Variants in PCNX1 observed in about 807,000 individuals in gnomAD.
PCNX1 encodes pecanex 1, also known as pecanex-like protein 1.
In PCNX1, 78 loss-of-function variants were observed where a neutral mutation model predicts 242.2. The observed-to-expected ratio is 0.32, with a 90% CI of 0.27 to 0.39. The LOEUF is 0.39. Ranked by LOEUF, PCNX1 falls within the 10% of genes least tolerant of loss-of-function variation. The probability of loss-of-function intolerance (pLI) is 1.00; values close to 1 mark genes in which losing one functional copy is unlikely to be tolerated. For missense variants in PCNX1, 2,581 were observed against 2,856.5 expected (o/e 0.90, Z 2.20); for synonymous variants, 1,024 against 1,032.9 (o/e 0.99, Z 0.17).
At position 70,978,534 on chromosome 14, in the gene PCNX1, G is replaced by C; in HGVS notation, c.2197G>C (p.Glu733Gln). ...LEAKEGEVLD[E>Q]LSLLGRASQL... ...GGCCAAAGAGGGAGAGGTGCTAGAT[G>C]AGCTATCTTTATTAGGACGGGCTTC... Residue 733 changes from glutamate (E) to glutamine (Q), a missense_variant, in exon 6 of 36, where the codon GAG (glutamate) becomes CAG (glutamine). Coordinates refer to ENST00000304743, the MANE Select transcript of PCNX1 (RefSeq NM_014982.3). The C allele has an allele frequency of 1.2e-6, 2 of 1,614,156 alleles. No individual in the cohort carries two copies. Among genetic ancestry groups the C allele is most frequent in the South Asian group, 2.2e-5 (2 of 91,076 alleles).
intron 19 of PCNX1, among the ~76,000 whole-genome samples, chr14:71,037,141 A>AT (rs2060561742): frequency 6.6e-6 from 1 of 151,732 alleles, no homozygotes; most frequent in African/African-American, 2.4e-5. Context: ...TTGATTTTGT[A>AT]TCCTGAGACT....
intron 26 of PCNX1, among the ~76,000 whole-genome samples, chr14:71,071,589 A>G (rs1029371244): frequency 1.3e-5 from 2 of 151,930 alleles, no homozygotes; most frequent in Admixed American, 1.3e-4. Flanking sequence ...AGCATGTAAA[A>G]TGTGCTTGCT....
intron 16 of PCNX1, among the ~76,000 whole-genome samples, chr14:71,030,407 G>T (rs755513319): frequency 6.6e-6 from 1 of 151,814 alleles, no homozygotes; most frequent in Non-Finnish European, 1.5e-5. Context: ...TCTAGTTTAC[G>T]TGCCTAGATT....
intron 1 of PCNX1, among the ~76,000 whole-genome samples, chr14:70,915,884 A>G (rs2056134154): frequency 1.3e-5 from 2 of 152,200 alleles, no homozygotes; most frequent in Non-Finnish European, 2.9e-5. Flanking sequence ...TGGTCCAGAA[A>G]GCACATGTGT....
In PCNX1 at chr14:71,112,781, A is replaced by G. The variant is rs534249605; in HGVS notation, c.*2846A>G. On this transcript the variant is annotated 3_prime_UTR_variant, in exon 36 of 36. Transcript: ENST00000304743. ...GAAAGTTAAAAGATGTAACTAAAAT[A>G]CTAGCTTTTTTATTCATTTCCTTTT... The G allele has an allele frequency of 4.8e-4, 73 of 152,298 alleles. No homozygotes were observed. The highest frequency in any genetic ancestry group is 1.7e-3 in the African/African-American group (71 of 41,580). 9.4% of individuals were successfully genotyped at this position (152,298 alleles called of 1,614,324 possible). A position where few individuals can be genotyped will look rare whatever the true frequency, so the allele number is the denominator to read the frequency against.
At chr14:71,069,531 T>C (rs1555373441) in intron 26 of PCNX1, among the ~76,000 whole-genome samples, 1 of 152,212 alleles carries the variant, frequency 6.6e-6, no homozygotes. Context: ...TTGGAGATAT[T>C]GCATGTTGGG....
rs1409035233 is a variant in PCNX1 at position 71,065,943 on chromosome 14, T to C, written c.4853-7602T>C. ...GGTCGCAGATGCGTGGCATTATTTC[T>C]GAGGCCTCTGTTCTGTTCCATTGAT... is the stretch of plus-strand genomic sequence containing the variant. On this transcript the variant is annotated intron_variant, in intron 26 of 35. Coordinates refer to ENST00000304743, the MANE Select transcript of PCNX1 (RefSeq NM_014982.3). Among the ~76,000 whole-genome samples the C allele has an allele frequency of 8.7e-5, 13 of 150,160 alleles. No homozygotes were observed. In the Admixed American group the frequency reaches 8.7e-4, roughly 10 times the overall value.
At chr14:70,934,773 G>A (rs192657317) in intron 1 of PCNX1, among the ~76,000 whole-genome samples, 25 of 152,302 alleles carry the variant, frequency 1.6e-4, no homozygotes, top group Admixed American at 7.8e-4. Context: ...AGGGCATAGG[G>A]GAAAGGAAGT....
At chr14:71,102,735 T>C (rs1255325765) in intron 31 of PCNX1, among the ~76,000 whole-genome samples, 3 of 152,202 alleles carry the variant, frequency 2.0e-5, no homozygotes, top group African/African-American at 7.2e-5. Context: ...CTTAAAATTT[T>C]TGGTTATTTC....
intron 26 of PCNX1, among the ~76,000 whole-genome samples, chr14:71,071,028 C>T (rs1454366178): frequency 1.3e-5 from 2 of 152,246 alleles, no homozygotes; most frequent in African/African-American, 4.8e-5. Flanking sequence ...CTTGCAGCTT[C>T]ACCTTGCAGT....
chr14:71,080,514 G>A (rs961849704), intron 28 of PCNX1, among the ~76,000 whole-genome samples: 1 of 152,178 alleles, frequency 6.6e-6, no homozygotes, highest in East Asian at 1.9e-4. Flanking sequence ...AGCATGGAAT[G>A]TTTTTCCATT....
At position 71,047,096 on chromosome 14, in the gene PCNX1, T is replaced by C. The variant is rs1429198913; in HGVS notation, c.4151T>C (p.Leu1384Pro). 1.9e-6 allele frequency: 3 copies of C among 1,599,820 alleles called. No homozygotes were observed. The highest frequency in any genetic ancestry group is 3.4e-4 in the Middle Eastern group (2 of 5,876). The change falls in exon 21 of 36, where the codon CTG (leucine) becomes CCG (proline). Residue 1384 changes from leucine to proline, a missense_variant. By Grantham distance (98) the Leu-to-Pro change is moderately conservative. Coordinates refer to ENST00000304743, the MANE Select transcript of PCNX1 (RefSeq NM_014982.3). Reference sequence around the variant, plus strand: ...GAGACAATTGCTAGTCCAAAGAAACTGAATACAGAGTAAGTATAGTAGTCT... The same window carrying C: ...GAGACAATTGCTAGTCCAAAGAAACCGAATACAGAGTAAGTATAGTAGTCT... ...SAETIASPKK[L>P]NTELGALMIT... is the part of the protein sequence containing the mutation.
intron 26 of PCNX1, among the ~76,000 whole-genome samples, chr14:71,061,327 C>A (rs8020480): frequency 0.56 from 84,626 of 151,968 alleles, 24,961 homozygotes; most frequent in East Asian, 0.73. Flanking sequence ...CTTTTCTTCC[C>A]AGATGCCCTC....
In PCNX1 at chr14:71,086,466, A is replaced by G. The variant is rs1281490205; in HGVS notation, c.5338-1864A>G. Among the ~76,000 whole-genome samples, 6 of 151,776 alleles carry G rather than the reference A, an allele frequency of 4.0e-5. No individual in the cohort carries two copies. In the East Asian group the frequency reaches 1.2e-3, roughly 29 times the overall value. On this transcript the variant is annotated intron_variant, in intron 28 of 35. Transcript: ENST00000304743. ...AATAATTCTTGAACTTTGTTTTGTGACACAGTTAAATTCTTTGGGGACAGT... is the reference window on the plus strand; with the variant it reads ...AATAATTCTTGAACTTTGTTTTGTGGCACAGTTAAATTCTTTGGGGACAGT...
At chr14:71,094,635 A>G (rs1451519529) in intron 30 of PCNX1, among the ~76,000 whole-genome samples, 2 of 152,136 alleles carry the variant, frequency 1.3e-5, no homozygotes. Flanking sequence ...TTTGGTAATT[A>G]AAACTGTTAC....
intron 30 of PCNX1, among the ~76,000 whole-genome samples, chr14:71,097,374 A>C (rs1046775140): frequency 2.0e-5 from 3 of 152,184 alleles, no homozygotes; most frequent in Non-Finnish European, 4.4e-5. Flanking sequence ...TTTCTTTGAG[A>C]AATCTCCAAC....
intron 2 of PCNX1, among the ~76,000 whole-genome samples, chr14:70,958,691 C>T (rs969491143): frequency 6.6e-6 from 1 of 152,042 alleles, no homozygotes; most frequent in African/African-American, 2.4e-5. Context: ...AAATTTCCTC[C>T]CACCAATAAG....
chr14:70,963,498 C>G (rs913970824), intron 3 of PCNX1, among the ~76,000 whole-genome samples: 7 of 152,142 alleles, frequency 4.6e-5, no homozygotes, highest in Admixed American at 3.9e-4. Context: ...CCAACTCTGT[C>G]CTGTAGTATT....
At chr14:70,966,622 A>G (rs574007636) in intron 3 of PCNX1, among the ~76,000 whole-genome samples, 12 of 152,310 alleles carry the variant, frequency 7.9e-5, no homozygotes, top group Non-Finnish European at 1.5e-4. Flanking sequence ...CTCATATATC[A>G]GAAGGTGTAT....
Sources: gnomAD v4.1 joint callset for allele counts (sites outside exome capture counted in the v4.1 genomes callset) on GRCh38, gnomAD v4.1.1 for gene constraint, MANE v1.5 for transcripts, NCBI Gene and HGNC (gene_info 2026-07-23, HGNC 2026-07-21) for gene names.